CEP112: variants seen among roughly 807,000 people sequenced by gnomAD.
CEP112 encodes centrosomal protein of 112 kDa.
Under a neutral mutation model 153.0 loss-of-function variants are expected in CEP112, and 127 were observed. That is an observed-to-expected ratio of 0.83 (90% CI 0.72 to 0.96). The LOEUF is 0.96. Ranked by LOEUF, CEP112 falls within the 40% of genes least tolerant of loss-of-function variation. The pLI is 0.00. For synonymous variants in CEP112, 358 were observed against 374.4 expected (o/e 0.96, Z 0.51); for missense variants, 1,089 against 1,101.2 (o/e 0.99, Z 0.16).
intron 20 of CEP112, among the ~76,000 whole-genome samples, chr17:65,889,981 G>A (rs1412287343): frequency 6.6e-6 from 1 of 151,952 alleles, no homozygotes; most frequent in African/African-American, 2.4e-5. Flanking sequence ...AAACTTTTTT[G>A]AGACACTCCT....
intron 24 of CEP112, among the ~76,000 whole-genome samples, chr17:65,646,029 A>C (rs1263413668): frequency 6.6e-6 from 1 of 152,176 alleles, no homozygotes; most frequent in South Asian, 2.1e-4. Flanking sequence ...CAAGTACTTA[A>C]GCCCTTTGGT....
intron 12 of CEP112, among the ~76,000 whole-genome samples, chr17:66,044,587 T>C (rs150535854): frequency 1.1e-3 from 175 of 152,334 alleles, no homozygotes; most frequent in African/African-American, 3.3e-3. Context: ...ATAATGACAT[T>C]ATGCGAAGTG....
intron 12 of CEP112, among the ~76,000 whole-genome samples, chr17:66,033,049 A>G (rs2065560175): frequency 9.2e-6 from 1 of 108,598 alleles, no homozygotes; most frequent in African/African-American, 3.8e-5. Context: ...ATTATGCTGA[A>G]TGAAAAAAAT....
intron 24 of CEP112, among the ~76,000 whole-genome samples, chr17:65,662,427 CT>C (rs1159245307): frequency 6.6e-6 from 1 of 152,116 alleles, no homozygotes; most frequent in Non-Finnish European, 1.5e-5. Flanking sequence ...AGGAATGTCT[CT>C]GTGCATTCTT....
rs575446657 is a variant in CEP112 at position 65,710,488 on chromosome 17, C to T, written c.2608-21270G>A. On this transcript the variant is annotated intron_variant, in intron 23 of 26. Coordinates refer to ENST00000535342, the MANE Select transcript of CEP112 (RefSeq NM_001199165.4). ...GGTATGAGCCCATGATATTTGTATG[C>T]GTGTAAGACAGCAAGGAAGTAATAA... Among the ~76,000 whole-genome samples, 32 of 152,152 alleles carry T rather than the reference C, an allele frequency of 2.1e-4. No individual in the cohort carries two copies. The South Asian group carries it at 5.8e-3, about 28-fold the overall frequency.
At chr17:65,848,767 G>C (rs2057816607) in intron 21 of CEP112, among the ~76,000 whole-genome samples, 2 of 152,192 alleles carry the variant, frequency 1.3e-5, no homozygotes, top group African/African-American at 2.4e-5. Flanking sequence ...CCTCCGACCA[G>C]AAACTTCTAC....
chr17:65,951,739 C>CTGCG (rs1599123978), intron 18 of CEP112, among the ~76,000 whole-genome samples: 3 of 105,734 alleles, frequency 2.8e-5, no homozygotes, highest in East Asian at 1.0e-3. Context: ...TCTAATCTTC[C>CTGCG]CCCGCCCCCC....
chr17:65,839,202 C>T (rs2057428565), intron 21 of CEP112, among the ~76,000 whole-genome samples: 2 of 151,980 alleles, frequency 1.3e-5, no homozygotes, highest in South Asian at 2.1e-4. Flanking sequence ...CACATACACA[C>T]ACACAAAGAA....
rs186741687 is a variant in CEP112 at position 65,961,419 on chromosome 17, T to C, written c.1872+44A>G. 188 of 1,540,036 alleles carry C rather than the reference T, an allele frequency of 1.2e-4. 1 individual carries two copies. The African/African-American group carries it at 2.3e-3, about 19-fold the overall frequency. ...TTAAGATGAGAATGTACCTTCCTAC[T>C]GAGAGAGTGACTTTCAAAAGGGATG... On this transcript the variant is annotated intron_variant, in intron 18 of 26. Transcript: ENST00000535342.
chr17:65,708,847 C>T (rs2049036719), intron 23 of CEP112, among the ~76,000 whole-genome samples: 1 of 152,170 alleles, frequency 6.6e-6, no homozygotes, highest in South Asian at 2.1e-4. Flanking sequence ...GTCTTTGACC[C>T]AGGGACTTGA....
chr17:65,708,965 T>G (rs1483737200), intron 23 of CEP112, among the ~76,000 whole-genome samples: 1 of 152,144 alleles, frequency 6.6e-6, no homozygotes, highest in Non-Finnish European at 1.5e-5. Flanking sequence ...TCCTACTTGT[T>G]ATATTCTGTT....
rs564363566 is a variant in CEP112, at chr17:66,160,014, G to A, written c.470+15030C>T. Among the ~76,000 whole-genome samples, 12 of 152,262 alleles carry A rather than the reference G, an allele frequency of 7.9e-5. No homozygotes were observed. The East Asian group carries it at 2.1e-3, about 27-fold the overall frequency. Reference sequence around the variant, plus strand: ...AAAGTCTCAGGATACAAAAATCAGTGTGCAAAAATCACAAGCATTCCTATA... The same window carrying A: ...AAAGTCTCAGGATACAAAAATCAGTATGCAAAAATCACAAGCATTCCTATA... On this transcript the variant is annotated intron_variant, in intron 4 of 26. Transcript: ENST00000535342.
intron 21 of CEP112, among the ~76,000 whole-genome samples, chr17:65,801,372 G>C (rs1022394801): frequency 1.3e-5 from 2 of 152,134 alleles, no homozygotes; most frequent in African/African-American, 4.8e-5. Flanking sequence ...TCATTTTCTT[G>C]ATGTTGCTGT....
chr17:65,698,172 C>A (rs1407168497), intron 23 of CEP112, among the ~76,000 whole-genome samples: 1 of 152,146 alleles, frequency 6.6e-6, no homozygotes, highest in Admixed American at 6.5e-5. Context: ...TTACTCTTCA[C>A]ATAAGGCAAA....
At chr17:66,032,530 AAAGATTACC>A (rs927415446) in intron 12 of CEP112, among the ~76,000 whole-genome samples, 1 of 152,182 alleles carries the variant, frequency 6.6e-6, no homozygotes, top group Admixed American at 6.5e-5. Flanking sequence ...AAAGTAGACC[AAAGATTACC>A]AAGATTGCAA....
intron 12 of CEP112, among the ~76,000 whole-genome samples, chr17:66,030,613 C>G (rs1156761340): frequency 1.6e-5 from 2 of 128,548 alleles, no homozygotes; most frequent in Non-Finnish European, 3.4e-5. Context: ...ATGCACTTCT[C>G]TACTCTTCCA....
intron 23 of CEP112, among the ~76,000 whole-genome samples, chr17:65,740,325 T>C (rs944042119): frequency 6.6e-6 from 1 of 152,228 alleles, no homozygotes; most frequent in Admixed American, 6.5e-5. Flanking sequence ...GGATGAAAGC[T>C]AGAACAAGCA....
At chr17:65,883,348 G>A (rs1417413137) in intron 20 of CEP112, among the ~76,000 whole-genome samples, 1 of 151,514 alleles carries the variant, frequency 6.6e-6, no homozygotes, top group African/African-American at 2.4e-5. Flanking sequence ...ATGTATATGT[G>A]TGTGTATACA....
intron 21 of CEP112, among the ~76,000 whole-genome samples, chr17:65,792,737 C>T (rs1221399767): frequency 6.6e-6 from 1 of 152,042 alleles, no homozygotes; most frequent in East Asian, 1.9e-4. Flanking sequence ...CACATGTACC[C>T]CTGAACTTAG....
Sources: allele counts gnomAD v4.1 joint callset (sites outside exome capture counted in the v4.1 genomes callset), GRCh38; gene constraint gnomAD v4.1.1; transcripts MANE v1.5; gene names NCBI Gene and HGNC (gene_info 2026-07-23, HGNC 2026-07-21).